The following PRRG1 variants were observed in gnomAD, a reference collection of about 807,000 sequenced individuals.
The protein encoded by PRRG1 is proline rich and Gla domain 1, also known as transmembrane gamma-carboxyglutamic acid protein 1.
A neutral mutation model predicts 11.8 loss-of-function variants in PRRG1; 5 were observed. The ratio of observed to expected loss-of-function variants is 0.42; its 90% CI spans 0.22 to 0.89. The LOEUF (loss-of-function observed/expected upper bound fraction) is 0.89. Ranked by LOEUF, PRRG1 falls within the 40% of genes least tolerant of loss-of-function variation. The pLI is 0.28. For missense variants in PRRG1, 155 were observed against 166.1 expected, an observed-to-expected ratio of 0.93 and a Z score of 0.37; for synonymous variants, 66 against 60.4, an observed-to-expected ratio of 1.09 and a Z score of -0.43.
chrX:37,435,206 G>A (rs1556391640), intron 3 of PRRG1, among the ~76,000 whole-genome samples: 1 of 111,560 alleles, frequency 9.0e-6, no homozygotes, highest in Non-Finnish European at 1.9e-5. Flanking sequence ...AGGGACACAG[G>A]AGGTAACCTA....
intron 2 of PRRG1, among the ~76,000 whole-genome samples, chrX:37,407,784 T>C (rs1932225701): frequency 8.9e-6 from 1 of 112,246 alleles, no homozygotes; most frequent in Non-Finnish European, 1.9e-5. Flanking sequence ...CAGATGCTTC[T>C]GTAGGCAGCA....
chrX:37,372,061 C>T (rs1269241147), intron 1 of PRRG1, among the ~76,000 whole-genome samples: 1 of 112,856 alleles, frequency 8.9e-6, no homozygotes, highest in African/African-American at 3.2e-5. Flanking sequence ...TTCTGTTTTC[C>T]AAAATGGCTA....
At chrX:37,373,700 A>G (rs2146532864) in intron 1 of PRRG1, among the ~76,000 whole-genome samples, 1 of 111,793 alleles carries the variant, frequency 8.9e-6, no homozygotes, top group East Asian at 2.8e-4. Context: ...TTTTTGGTTG[A>G]GTCCTTCAGG....
intron 2 of PRRG1, among the ~76,000 whole-genome samples, chrX:37,409,735 T>C: frequency 8.9e-6 from 1 of 112,162 alleles, no homozygotes; most frequent in East Asian, 2.8e-4. Flanking sequence ...AATGAAATTT[T>C]TCCTGCACTT....
intron 2 of PRRG1, among the ~76,000 whole-genome samples, chrX:37,411,433 T>A (rs1556383869): frequency 8.9e-6 from 1 of 112,171 alleles, no homozygotes; most frequent in African/African-American, 3.2e-5. Flanking sequence ...ACTGGCATAT[T>A]CATGATAAAA....
At chrX:37,442,584 G>A (rs1229185897) in intron 3 of PRRG1, among the ~76,000 whole-genome samples, 1 of 111,527 alleles carries the variant, frequency 9.0e-6, no homozygotes, top group Non-Finnish European at 1.9e-5. Flanking sequence ...ATTCATCCTA[G>A]TGGCTGCCTC....
At chrX:37,379,751 G>A (rs1275174015) in intron 1 of PRRG1, among the ~76,000 whole-genome samples, 1 of 111,773 alleles carries the variant, frequency 8.9e-6, no homozygotes, top group Non-Finnish European at 1.9e-5. Flanking sequence ...GTGAAATAAA[G>A]GTAGTGAAGT....
intron 1 of PRRG1, among the ~76,000 whole-genome samples, chrX:37,376,549 G>GTTTATATATATATATATATATATATATA (rs1491489103): frequency 6.2e-5 from 1 of 16,019 alleles, no homozygotes; most frequent in Non-Finnish European, 3.7e-4. Flanking sequence ...AGAAATGTGA[G>GTTTATATATATATATATATATATATATA]TGTATATATA....
At chrX:37,419,207 A>G (rs1556386166) in intron 2 of PRRG1, among the ~76,000 whole-genome samples, 4 of 112,306 alleles carry the variant, frequency 3.6e-5, no homozygotes, top group African/African-American at 9.7e-5. Flanking sequence ...CTAAACATAC[A>G]TATCTGTCAT....
chrX:37,398,332 C>A (rs1556378914), intron 1 of PRRG1, among the ~76,000 whole-genome samples: 2 of 112,003 alleles, frequency 1.8e-5, no homozygotes, highest in Non-Finnish European at 1.9e-5. Flanking sequence ...CGAGAATCCG[C>A]TGTTCTGCAG....
intron 1 of PRRG1, among the ~76,000 whole-genome samples, chrX:37,387,625 G>A (rs1278508371): frequency 9.0e-6 from 1 of 111,084 alleles, no homozygotes; most frequent in African/African-American, 3.3e-5. Flanking sequence ...CCAAGGGATG[G>A]TGCTAAACCG....
chrX:37,429,871 G>A (rs936594972), intron 3 of PRRG1, among the ~76,000 whole-genome samples: 30 of 111,880 alleles, frequency 2.7e-4, no homozygotes, highest in African/African-American at 8.5e-4. Context: ...GGCAGGAGGC[G>A]AAAGGCACTT....
intron 1 of PRRG1, among the ~76,000 whole-genome samples, chrX:37,390,440 G>A (rs782817936): frequency 4.5e-5 from 5 of 111,845 alleles, no homozygotes; most frequent in East Asian, 2.8e-4. Context: ...GAATGAATCT[G>A]CTACAATTAC....
At chrX:37,354,375 A>G (rs868996455) in intron 1 of PRRG1, among the ~76,000 whole-genome samples, 1 of 106,072 alleles carries the variant, frequency 9.4e-6, no homozygotes, top group Admixed American at 1.0e-4. Context: ...TGCTTTTTTT[A>G]TTTTTATTTT....
chrX:37,432,646 A>G (rs1932844091), intron 3 of PRRG1, among the ~76,000 whole-genome samples: 2 of 111,979 alleles, frequency 1.8e-5, no homozygotes, highest in Non-Finnish European at 3.8e-5. Context: ...CTCTCTTAAC[A>G]CATCGCCATC....
At position 37,368,711 on chromosome X, in the gene PRRG1, A is replaced by T. The variant is rs1556370063; in HGVS notation, c.-42+19316A>T. Among the ~76,000 whole-genome samples, 3 of 106,914 alleles carry T rather than the reference A, an allele frequency of 2.8e-5. No homozygotes were observed. The South Asian group carries it at 1.2e-3, about 42-fold the overall frequency. 92.8% of individuals were successfully genotyped at this position (106,914 alleles called of 115,157 possible). On this transcript the variant is annotated intron_variant, in intron 1 of 3. Transcript: ENST00000378628. The stretch of plus-strand genomic sequence containing the variant: ...TTAGACCTAAGATCTGTTTTTTTTT[A>T]TTTTCTACATGCCTCTTCTGTTTTT...
chrX:37,409,010 G>A (rs1932278598), intron 2 of PRRG1, among the ~76,000 whole-genome samples: 1 of 111,689 alleles, frequency 9.0e-6, no homozygotes, highest in Non-Finnish European at 1.9e-5. Context: ...TTTGAACAAT[G>A]TGGGGGCTAG....
chrX:37,419,793 A>G (rs1932604980), intron 2 of PRRG1, among the ~76,000 whole-genome samples: 1 of 111,538 alleles, frequency 9.0e-6, no homozygotes, highest in Non-Finnish European at 1.9e-5. Flanking sequence ...CAATCAGCCT[A>G]TATGTTTTCC....
At chrX:37,373,606 T>C (rs1930838045) in intron 1 of PRRG1, among the ~76,000 whole-genome samples, 1 of 112,027 alleles carries the variant, frequency 8.9e-6, no homozygotes, top group African/African-American at 3.2e-5. Context: ...TCATTATTAG[T>C]GTATAGCAAC....
Sources: gnomAD v4.1 joint callset for allele counts (sites outside exome capture counted in the v4.1 genomes callset) on GRCh38, gnomAD v4.1.1 for gene constraint, MANE v1.5 for transcripts, NCBI Gene and HGNC (gene_info 2026-07-23, HGNC 2026-07-21) for gene names.